Variants in ADGRL2 observed in about 807,000 individuals in gnomAD.
ADGRL2 encodes the protein calcium-independent alpha-latrotoxin receptor 2.
ADGRL2 carries 44 observed loss-of-function variants against 157.4 expected under a neutral mutation model. The ratio of observed to expected loss-of-function variants is 0.28; its 90% CI spans 0.22 to 0.36. The LOEUF is 0.36. Among genes scored for constraint, ADGRL2 ranks in the 10% least tolerant of loss-of-function variants. The pLI, the probability that ADGRL2 is intolerant of heterozygous loss-of-function variation, is 1.00. For synonymous variants in ADGRL2, 585 were observed against 624.7 expected, an observed-to-expected ratio of 0.94 and a Z score of 0.95; for missense variants, 1,510 against 1,768.9, an observed-to-expected ratio of 0.85 and a Z score of 2.63.
chr1:81,829,158 T>TTG (rs2091750100), intron 1 of ADGRL2, among the ~76,000 whole-genome samples: 1 of 152,118 alleles, frequency 6.6e-6, no homozygotes, highest in African/African-American at 2.4e-5. Context: ...GCAATCCACC[T>TTG]GCCTTGGCCT....
intron 1 of ADGRL2, among the ~76,000 whole-genome samples, chr1:81,355,254 G>A (rs1294004133): frequency 1.1e-4 from 16 of 152,102 alleles, no homozygotes; most frequent in Admixed American, 9.8e-4. Context: ...AGCTACTCGG[G>A]AGGCTGAGGC....
chr1:81,385,241 A>G (rs1050695407), intron 1 of ADGRL2, among the ~76,000 whole-genome samples: 6 of 152,184 alleles, frequency 3.9e-5, no homozygotes, highest in African/African-American at 1.2e-4. Context: ...TTAGCAAGAT[A>G]CAGCTTTCGG....
chr1:81,765,596 A>G (rs2086089162), intron 2 of ADGRL2, among the ~76,000 whole-genome samples: 1 of 152,066 alleles, frequency 6.6e-6, no homozygotes, highest in African/African-American at 2.4e-5. Context: ...GATATTGATG[A>G]GAAAATAAAA....
intron 2 of ADGRL2, among the ~76,000 whole-genome samples, chr1:81,474,492 G>A (rs2078233440): frequency 6.6e-6 from 1 of 152,172 alleles, no homozygotes; most frequent in African/African-American, 2.4e-5. Flanking sequence ...TGCCTACAGA[G>A]TCTAGCATGT....
intron 3 of ADGRL2, among the ~76,000 whole-genome samples, chr1:81,932,894 G>T (rs2095254993): frequency 6.6e-6 from 1 of 152,064 alleles, no homozygotes; most frequent in Non-Finnish European, 1.5e-5. Context: ...TAGAGACGGG[G>T]TTTCTCCATG....
rs2076434750 is a variant in ADGRL2 at position 81,386,335 on chromosome 1, T to C, written c.-301-58701T>C. Among the ~76,000 whole-genome samples the C allele has an allele frequency of 2.0e-5, 3 of 152,276 alleles. No homozygotes were observed. In the South Asian group the frequency reaches 6.2e-4, roughly 32 times the overall value. On this transcript the variant is annotated intron_variant, in intron 1 of 24. Coordinates refer to the ADGRL2 transcript ENST00000370721. ...AAGGTGACCAGCATTCCTTGGTGTG[T>C]GGTAAGGTAACAATTGAATTGGTTT...
At chr1:81,850,730 A>G (rs1004944752) in intron 2 of ADGRL2, among the ~76,000 whole-genome samples, 1 of 151,932 alleles carries the variant, frequency 6.6e-6, no homozygotes, top group African/African-American at 2.4e-5. Flanking sequence ...TAGTTATTGA[A>G]CACTGGAAAT....
At chr1:81,612,753 T>C (rs865876875) in intron 3 of ADGRL2, among the ~76,000 whole-genome samples, 3 of 151,828 alleles carry the variant, frequency 2.0e-5, no homozygotes, top group Admixed American at 6.6e-5. Flanking sequence ...AATTAAGAAA[T>C]AGGCTAAAGA....
At chr1:81,674,786 A>G (rs2082952270) in intron 3 of ADGRL2, among the ~76,000 whole-genome samples, 1 of 152,202 alleles carries the variant, frequency 6.6e-6, no homozygotes, top group African/African-American at 2.4e-5. Flanking sequence ...AATTGGCACT[A>G]CAGGCACATT....
intron 2 of ADGRL2, among the ~76,000 whole-genome samples, chr1:81,853,669 A>G (rs1374800930): frequency 1.3e-5 from 2 of 152,184 alleles, no homozygotes; most frequent in African/African-American, 2.4e-5. Flanking sequence ...GTATTAATAA[A>G]GAAATATTAA....
intron 2 of ADGRL2, among the ~76,000 whole-genome samples, chr1:81,872,898 A>G (rs968642189): frequency 6.6e-6 from 1 of 152,156 alleles, no homozygotes; most frequent in African/African-American, 2.4e-5. Flanking sequence ...GTAAAGTTAA[A>G]TATGAATATC....
intron 1 of ADGRL2, among the ~76,000 whole-genome samples, chr1:81,318,673 G>T (rs1474319004): frequency 6.6e-6 from 1 of 151,964 alleles, no homozygotes; most frequent in African/African-American, 2.4e-5. Context: ...TTAGTAATCT[G>T]GAAAATATAC....
At chr1:81,671,430 C>T (rs2148917525) in intron 3 of ADGRL2, among the ~76,000 whole-genome samples, 1 of 152,198 alleles carries the variant, frequency 6.6e-6, no homozygotes, top group Admixed American at 6.5e-5. Flanking sequence ...GTTTCTCAAA[C>T]TTAATGTGCA....
At chr1:81,319,824 G>A (rs74093309) in intron 1 of ADGRL2, among the ~76,000 whole-genome samples, 2,396 of 152,276 alleles carry the variant, frequency 0.016, 72 homozygotes, top group African/African-American at 0.056. Flanking sequence ...GCAGGGTCTT[G>A]CCTCGATGTT....
At chr1:81,683,047 C>T (rs767112724) in intron 3 of ADGRL2, among the ~76,000 whole-genome samples, 1 of 152,152 alleles carries the variant, frequency 6.6e-6, no homozygotes, top group African/African-American at 2.4e-5. Context: ...GTAGGAGAAT[C>T]GTCTGAACCA....
chr1:81,393,661 A>AC (rs1012300863), intron 1 of ADGRL2, among the ~76,000 whole-genome samples: 13 of 152,188 alleles, frequency 8.5e-5, no homozygotes, highest in Middle Eastern at 3.4e-3. Flanking sequence ...ACCATGTAAG[A>AC]CCCCTATACG....
intron 1 of ADGRL2, among the ~76,000 whole-genome samples, chr1:81,751,862 T>C (rs2085500876): frequency 6.6e-6 from 1 of 152,214 alleles, no homozygotes; most frequent in Admixed American, 6.5e-5. Flanking sequence ...AATTTTGTGA[T>C]TTAAGATTGT....
chr1:81,439,544 G>A (rs2101666191), intron 1 of ADGRL2, among the ~76,000 whole-genome samples: 1 of 152,354 alleles, frequency 6.6e-6, no homozygotes, highest in African/African-American at 2.4e-5. Flanking sequence ...ACGTGAGCAA[G>A]TGAGTGCAGG....
intron 1 of ADGRL2, among the ~76,000 whole-genome samples, chr1:81,756,715 AT>A (rs975023520): frequency 6.6e-6 from 1 of 152,128 alleles, no homozygotes; most frequent in African/African-American, 2.4e-5. Flanking sequence ...GGTAATTGTG[AT>A]TTTTTTATAG....
Sources: gnomAD v4.1 joint callset for allele counts (sites outside exome capture counted in the v4.1 genomes callset) on GRCh38, gnomAD v4.1.1 for gene constraint, MANE v1.5 for transcripts, NCBI Gene and HGNC (gene_info 2026-07-23, HGNC 2026-07-21) for gene names.